The following DLGAP1 variants were observed in gnomAD, a reference collection of about 807,000 sequenced individuals.
DLGAP1 encodes disks large-associated protein 1.
A neutral mutation model predicts 90.8 loss-of-function variants in DLGAP1; 11 were observed. That is an observed-to-expected ratio of 0.12 (90% CI 0.08 to 0.20). The LOEUF is 0.20. DLGAP1 is among the 10% of genes least tolerant of loss of function. The pLI is 1.00. For missense variants in DLGAP1, 1,050 were observed against 1,333.8 expected, an observed-to-expected ratio of 0.79 and a Z score of 3.31; for synonymous variants, 558 against 540.7, an observed-to-expected ratio of 1.03 and a Z score of -0.44.
chr18:3,767,119 A>G (rs3862171), intron 5 of DLGAP1, among the ~76,000 whole-genome samples: 2,907 of 152,242 alleles, frequency 0.019, 50 homozygotes, highest in Middle Eastern at 0.089. Context: ...AAGGGATACT[A>G]TGAACAACTG....
intron 7 of DLGAP1, among the ~76,000 whole-genome samples, chr18:3,680,788 CAAA>C (rs71160910): frequency 3.2e-5 from 3 of 94,728 alleles, no homozygotes; most frequent in Non-Finnish European, 2.2e-5. Flanking sequence ...GACTCCGTCT[CAAA>C]AAAAAAAAAA....
intron 1 of DLGAP1, among the ~76,000 whole-genome samples, chr18:4,424,430 C>A (rs1479220964): frequency 2.0e-5 from 3 of 152,124 alleles, no homozygotes; most frequent in Non-Finnish European, 4.4e-5. Flanking sequence ...CTGATTTTTA[C>A]ACCATCCTCC....
chr18:3,528,078 T>C (rs2051766010), intron 10 of DLGAP1, among the ~76,000 whole-genome samples: 2 of 152,156 alleles, frequency 1.3e-5, no homozygotes, highest in Admixed American at 6.5e-5. Context: ...CTCTATCCTA[T>C]TTATCTTTTC....
intron 6 of DLGAP1, among the ~76,000 whole-genome samples, chr18:3,739,806 C>T (rs918610211): frequency 6.6e-6 from 1 of 152,056 alleles, no homozygotes; most frequent in Non-Finnish European, 1.5e-5. Flanking sequence ...TACTGTGTTA[C>T]TTGAAAATTG....
intron 3 of DLGAP1, among the ~76,000 whole-genome samples, chr18:3,991,899 A>G (rs2073977466): frequency 6.6e-6 from 1 of 152,172 alleles, no homozygotes; most frequent in Non-Finnish European, 1.5e-5. Context: ...TTTATCGAAG[A>G]CCACGGAAAC....
chr18:3,761,578 C>CTT lies in DLGAP1; in HGVS notation c.1173-19068_1173-19067dup, dbSNP rs540575856. Reference sequence around the variant, plus strand: ...GTTTCAGTCCCTTCTTTCTTTCTTTCTTTTTTTTTTTTTTTAAGACGGAGT... The same window carrying CTT: ...GTTTCAGTCCCTTCTTTCTTTCTTTCTTTTTTTTTTTTTTTTTAAGACGGAGT... On this transcript the variant is annotated intron_variant, in intron 5 of 12. Transcript: ENST00000315677. 1.3e-4 allele frequency among the ~76,000 whole-genome samples: 17 copies of CTT among 135,380 alleles called. No individual in the cohort carries two copies. In the South Asian group the frequency reaches 1.9e-3, roughly 15 times the overall value. The allele number at this position is 135,380 out of a possible 152,430, so 88.8% of individuals were successfully genotyped here.
chr18:4,345,049 T>C (rs2081277303), intron 1 of DLGAP1, among the ~76,000 whole-genome samples: 1 of 152,168 alleles, frequency 6.6e-6, no homozygotes, highest in Non-Finnish European at 1.5e-5. Flanking sequence ...ATAACCTGTG[T>C]GCTTGAGAGG....
intron 7 of DLGAP1, among the ~76,000 whole-genome samples, chr18:3,695,640 G>T (rs1299184761): frequency 2.0e-5 from 3 of 152,182 alleles, no homozygotes; most frequent in African/African-American, 7.2e-5. Flanking sequence ...GTAGTGTGAT[G>T]CCTCCAGCTT....
intron 5 of DLGAP1, among the ~76,000 whole-genome samples, chr18:3,790,912 A>G (rs1340820616): frequency 6.6e-6 from 1 of 152,240 alleles, no homozygotes; most frequent in Non-Finnish European, 1.5e-5. Flanking sequence ...TGCTTTCAGC[A>G]TGAGATAAAT....
intron 2 of DLGAP1, among the ~76,000 whole-genome samples, chr18:4,062,668 G>A (rs929586614): frequency 9.9e-5 from 15 of 152,058 alleles, no homozygotes; most frequent in African/African-American, 1.2e-4. Context: ...AGTGTAATAA[G>A]ACTAAAGTTT....
At chr18:4,057,368 G>A (rs376393387) in intron 2 of DLGAP1, among the ~76,000 whole-genome samples, 6 of 152,184 alleles carry the variant, frequency 3.9e-5, no homozygotes, top group Admixed American at 3.9e-4. Flanking sequence ...ATTGGTAAGG[G>A]AAAAACACCT....
At position 3,799,816 on chromosome 18, in the gene DLGAP1, G is replaced by T. The variant is rs116037551; in HGVS notation, c.1172+14243C>A. On this transcript the variant is annotated intron_variant, in intron 5 of 12. Transcript: ENST00000315677. ...TCCCCAAGGATCATTCCTCCCTCCCGCTAATACTCCTCTACCTGAGATGAT... is the reference window on the plus strand; with the variant it reads ...TCCCCAAGGATCATTCCTCCCTCCCTCTAATACTCCTCTACCTGAGATGAT... Among the ~76,000 whole-genome samples, 316 of 152,174 alleles carry T rather than the reference G, an allele frequency of 2.1e-3. 3 individuals are homozygous for T. The highest frequency in any genetic ancestry group is 7.4e-3 in the African/African-American group (306 of 41,512).
chr18:4,091,237 A>G lies in DLGAP1; in HGVS notation c.-159+59943T>C, dbSNP rs559171189. 4.6e-5 allele frequency among the ~76,000 whole-genome samples: 7 copies of G among 152,342 alleles called. No individual in the cohort carries two copies. The East Asian group carries it at 7.7e-4, about 17-fold the overall frequency. ...CCTGCATGTTCTGCACATGTATCCC[A>G]GAAATAAAATGAAATGAAATAAAAT... On this transcript the variant is annotated intron_variant, in intron 2 of 12. Transcript: ENST00000315677.
At chr18:4,154,970 C>A (rs1460969399) in intron 1 of DLGAP1, among the ~76,000 whole-genome samples, 1 of 152,016 alleles carries the variant, frequency 6.6e-6, no homozygotes, top group Non-Finnish European at 1.5e-5. Context: ...AATTATAGAG[C>A]AGTTCAGAAG....
intron 3 of DLGAP1, among the ~76,000 whole-genome samples, chr18:3,980,146 T>C (rs887692363): frequency 6.6e-6 from 1 of 151,474 alleles, no homozygotes; most frequent in Non-Finnish European, 1.5e-5. Context: ...AAAAAATAAA[T>C]AAATAAATAA....
intron 1 of DLGAP1, among the ~76,000 whole-genome samples, chr18:4,292,266 A>G (rs1039382447): frequency 1.3e-5 from 2 of 152,162 alleles, no homozygotes; most frequent in African/African-American, 2.4e-5. Context: ...CCACTTTATC[A>G]TTGTTTAATT....
chr18:4,121,228 CA>C (rs1378249149), intron 2 of DLGAP1, among the ~76,000 whole-genome samples: 1 of 152,074 alleles, frequency 6.6e-6, no homozygotes, highest in Non-Finnish European at 1.5e-5. Context: ...GAGGAAACAG[CA>C]AGAGCAGAAT....
Position 4,363,592 on chromosome 18 carries a change from G to A in DLGAP1, c.-267+91414C>T, listed in dbSNP as rs554883714. 9.7e-4 allele frequency among the ~76,000 whole-genome samples: 147 copies of A among 152,182 alleles called. 1 individual carries two copies. The highest frequency in any genetic ancestry group is 3.9e-3 in the East Asian group (20 of 5,172). ...CAAACAACCCCATCAAAAAGTGGGC[G>A]AAGGACATGAACAGACACTTCTCAA... On this transcript the variant is annotated intron_variant, in intron 1 of 12. Transcript: ENST00000315677.
chr18:3,654,222 A>C (rs2146494349), intron 7 of DLGAP1, among the ~76,000 whole-genome samples: 1 of 152,292 alleles, frequency 6.6e-6, no homozygotes, highest in Non-Finnish European at 1.5e-5. Flanking sequence ...CCAGGGACTC[A>C]GAGGAGGCTG....
Sources: gnomAD v4.1 joint callset for allele counts (sites outside exome capture counted in the v4.1 genomes callset) on GRCh38, gnomAD v4.1.1 for gene constraint, MANE v1.5 for transcripts, NCBI Gene and HGNC (gene_info 2026-07-23, HGNC 2026-07-21) for gene names.